Variants in TNS3 observed in about 807,000 individuals in gnomAD.
TNS3 encodes the protein tensin-3.
Under a neutral mutation model 140.9 loss-of-function variants are expected in TNS3, and 45 were observed. The observed-to-expected ratio is 0.32, with a 90% confidence interval of 0.25 to 0.41. The LOEUF is 0.41. Ranked by LOEUF, TNS3 falls within the 10% of genes least tolerant of loss-of-function variation. The probability of loss-of-function intolerance (pLI) is 1.00; values close to 1 mark genes in which losing one functional copy is unlikely to be tolerated. For synonymous variants in TNS3, 815 were observed against 788.4 expected (o/e 1.03, Z -0.56); for missense variants, 1,716 against 1,906.7 (o/e 0.90, Z 1.86).
At chr7:47,466,606 G>A (rs542201192) in intron 4 of TNS3, among the ~76,000 whole-genome samples, 218 of 152,328 alleles carry the variant, frequency 1.4e-3, no homozygotes, top group African/African-American at 4.9e-3. Context: ...AGATGGATCT[G>A]AGGCTGGGTC....
At chr7:47,395,846 T>G (rs1792798742) in intron 16 of TNS3, among the ~76,000 whole-genome samples, 1 of 152,150 alleles carries the variant, frequency 6.6e-6, no homozygotes, top group East Asian at 1.9e-4. Context: ...TGAGTTGAAA[T>G]TCCATCCCAC....
chr7:47,433,405 G>C (rs1215716335), intron 8 of TNS3, among the ~76,000 whole-genome samples: 1 of 152,192 alleles, frequency 6.6e-6, no homozygotes, highest in African/African-American at 2.4e-5. Flanking sequence ...AATCACTTCT[G>C]AGAAGTTTCA....
At chr7:47,278,941 T>G (rs1784998830) in intron 30 of TNS3, 1 of 152,220 alleles carries the variant, frequency 6.6e-6, no homozygotes, top group Non-Finnish European at 1.5e-5. Flanking sequence ...GGATTTTTTT[T>G]GTTTAAATTT....
intron 1 of TNS3, among the ~76,000 whole-genome samples, chr7:47,542,104 C>T (rs1305969999): frequency 6.6e-6 from 1 of 152,102 alleles, no homozygotes; most frequent in African/African-American, 2.4e-5. Context: ...ATCTAATAGG[C>T]TGTCACTGGT....
intron 4 of TNS3, among the ~76,000 whole-genome samples, chr7:47,473,559 G>T (rs1172412959): frequency 6.6e-6 from 1 of 152,146 alleles, no homozygotes; most frequent in Non-Finnish European, 1.5e-5. Context: ...TGTTTCTGAA[G>T]TTTACTGAGG....
chr7:47,461,724 T>C (rs139554060), intron 4 of TNS3, among the ~76,000 whole-genome samples: 74 of 152,360 alleles, frequency 4.9e-4, no homozygotes, highest in Non-Finnish European at 9.1e-4. Flanking sequence ...TTATTGTAAT[T>C]GCAGAGCTTA....
At chr7:47,528,604 A>G (rs1799284626) in intron 2 of TNS3, among the ~76,000 whole-genome samples, 1 of 152,198 alleles carries the variant, frequency 6.6e-6, no homozygotes, top group South Asian at 2.1e-4. Flanking sequence ...ACGTCTAAAT[A>G]TCTGGTACCC....
chr7:47,388,412 G>C (rs1792198291), intron 16 of TNS3, among the ~76,000 whole-genome samples: 1 of 152,192 alleles, frequency 6.6e-6, no homozygotes, highest in South Asian at 2.1e-4. Flanking sequence ...AGAGTCCAAA[G>C]ATCTGCAGCT....
intron 25 of TNS3, 91 bp downstream of exon 25, chr7:47,293,642 G>T: frequency 1.8e-6 from 2 of 1,099,726 alleles, no homozygotes; most frequent in South Asian, 1.3e-5. Context: ...ACCACCATAA[G>T]AGTGATAGTC....
chr7:47,339,598 A>G (rs950988266), intron 20 of TNS3, among the ~76,000 whole-genome samples: 2 of 152,204 alleles, frequency 1.3e-5, no homozygotes, highest in Non-Finnish European at 2.9e-5. Flanking sequence ...TAGCTATACA[A>G]TAAGTCTTGA....
In TNS3 at chr7:47,277,905, C is replaced by T. The variant is rs35900574; in HGVS notation, c.*171G>A. 1.1e-5 allele frequency: 9 copies of T among 782,790 alleles called. No homozygotes were observed. Among genetic ancestry groups the T allele is most frequent in the South Asian group, 3.0e-5 (2 of 67,402 alleles). The allele number at this position is 782,790 out of a possible 1,614,324, so 48.5% of individuals were successfully genotyped here. On this transcript the variant is annotated 3_prime_UTR_variant, in exon 31 of 31. Transcript: ENST00000311160. ...GTCACTTTCAGGAAAGGCCAATTCA[C>T]GGTGATGTTGTTTGTTCTTGTTTTT...
chr7:47,570,386 C>T (rs1156888661), intron 1 of TNS3, among the ~76,000 whole-genome samples: 1 of 152,232 alleles, frequency 6.6e-6, no homozygotes, highest in African/African-American at 2.4e-5. Context: ...CCTGCATGGA[C>T]TCCTGGGGAC....
intron 5 of TNS3, among the ~76,000 whole-genome samples, chr7:47,441,685 A>C (rs1296081108): frequency 6.6e-6 from 1 of 152,162 alleles, no homozygotes; most frequent in African/African-American, 2.4e-5. Context: ...GGCCCCCCTC[A>C]TCTGCTCTAA....
chr7:47,325,536 T>C (rs1222982963), intron 20 of TNS3, among the ~76,000 whole-genome samples: 31 of 152,152 alleles, frequency 2.0e-4, no homozygotes, highest in Admixed American at 2.0e-3. Flanking sequence ...TCTTAGGTTA[T>C]CTCCTGGTAA....
chr7:47,428,836 A>C (rs1794788341), intron 8 of TNS3, among the ~76,000 whole-genome samples: 1 of 152,228 alleles, frequency 6.6e-6, no homozygotes, highest in Admixed American at 6.5e-5. Flanking sequence ...CACTGCCGGC[A>C]CCTGAGCTCC....
At chr7:47,340,576 C>CTTTTTTTTCTTTTTTTTTTTTT (rs1788946645) in intron 20 of TNS3, among the ~76,000 whole-genome samples, 1 of 130,166 alleles carries the variant, frequency 7.7e-6, no homozygotes, top group Non-Finnish European at 1.6e-5. Context: ...CTGGGATTTT[C>CTTTTTTTTCTTTTTTTTTTTTT]TTTTTTTTCT....
At position 47,445,175 on chromosome 7, in the gene TNS3, A is replaced by G. The variant is rs141755728; in HGVS notation, c.-75-3120T>C. On this transcript the variant is annotated intron_variant, in intron 4 of 30. Coordinates refer to ENST00000311160, the MANE Select transcript of TNS3 (RefSeq NM_022748.12). ...CACAGACAGCTTGACACCCACTCAA[A>G]TCCCCAGCCCCAGACCCGCATCTGT... is the stretch of plus-strand genomic sequence containing the variant. Among the ~76,000 whole-genome samples the G allele has an allele frequency of 3.0e-3, 464 of 152,208 alleles. 1 individual carries two copies. The highest frequency in any genetic ancestry group is 0.011 in the African/African-American group (438 of 41,514).
intron 10 of TNS3, among the ~76,000 whole-genome samples, chr7:47,417,238 C>T (rs930569972): frequency 2.6e-5 from 4 of 152,376 alleles, no homozygotes; most frequent in South Asian, 2.1e-4. Flanking sequence ...AGCCATCCTC[C>T]GGGAAACCAT....
At chr7:47,382,797 G>A (rs767338042) in intron 16 of TNS3, among the ~76,000 whole-genome samples, 3 of 151,808 alleles carry the variant, frequency 2.0e-5, no homozygotes, top group African/African-American at 4.8e-5. Context: ...TAAATACACC[G>A]TATTTTCAAT....
Sources: allele counts gnomAD v4.1 joint callset (sites outside exome capture counted in the v4.1 genomes callset), GRCh38; gene constraint gnomAD v4.1.1; transcripts MANE v1.5; gene names NCBI Gene and HGNC (gene_info 2026-07-23, HGNC 2026-07-21).